The following MCC variants were observed in gnomAD, a reference collection of about 807,000 sequenced individuals.
The protein encoded by MCC is colorectal mutant cancer protein.
Under a neutral mutation model 116.2 loss-of-function variants are expected in MCC, and 90 were observed. The observed-to-expected ratio is 0.77, with a 90% CI of 0.65 to 0.92. The LOEUF is 0.92. Ranked by LOEUF, MCC falls within the 40% of genes least tolerant of loss-of-function variation. The probability of loss-of-function intolerance (pLI) is 0.00; values close to 1 mark genes in which losing one functional copy is unlikely to be tolerated. For synonymous variants in MCC, 578 were observed against 510.5 expected, an observed-to-expected ratio of 1.13 and a Z score of -1.78; for missense variants, 1,516 against 1,312.2, an observed-to-expected ratio of 1.16 and a Z score of -2.40.
intron 2 of MCC, among the ~76,000 whole-genome samples, chr5:113,355,802 TCCAAATG>T (rs1046976245): frequency 2.0e-5 from 3 of 151,980 alleles, no homozygotes; most frequent in Non-Finnish European, 4.4e-5. Context: ...AGGCCCCATC[TCCAAATG>T]CCATCACACT....
At chr5:113,226,105 G>A (rs1003932481) in intron 3 of MCC, among the ~76,000 whole-genome samples, 2 of 152,276 alleles carry the variant, frequency 1.3e-5, no homozygotes, top group Non-Finnish European at 2.9e-5. Flanking sequence ...GAACCCGCAA[G>A]GCGAAGGTTG....
intron 5 of MCC, among the ~76,000 whole-genome samples, 166 bp downstream of exon 5, chr5:113,143,052 T>C (rs577371479): frequency 3.3e-5 from 5 of 152,218 alleles, no homozygotes; most frequent in Non-Finnish European, 7.4e-5. Flanking sequence ...CAAAGAGAAA[T>C]ATACACTTCA....
At chr5:113,075,900 C>A (rs1342550841) in intron 11 of MCC, among the ~76,000 whole-genome samples, 1 of 152,278 alleles carries the variant, frequency 6.6e-6, no homozygotes, top group East Asian at 1.9e-4. Flanking sequence ...TCCACGATAC[C>A]ACCAGAAGGA....
At position 113,132,358 on chromosome 5, in the gene MCC, ATGTG is replaced by A. The variant is rs1187010570; in HGVS notation, c.885-9536_885-9533del. ...AATAAGAGGAAAAAGAAAAGTGCAT[ATGTG>A]TGTGTGTGTGTATATATATACATAC... On this transcript the variant is annotated intron_variant, in intron 5 of 18. Coordinates refer to ENST00000408903, the MANE Select transcript of MCC (RefSeq NM_001085377.2). 8.4e-4 allele frequency among the ~76,000 whole-genome samples: 115 copies of A among 136,710 alleles called. 3 individuals carry two copies. Among genetic ancestry groups the A allele is most frequent in the Admixed American group, 6.8e-3 (93 of 13,638 alleles). 89.7% of individuals were successfully genotyped at this position (136,710 alleles called of 152,430 possible).
intron 2 of MCC, among the ~76,000 whole-genome samples, chr5:113,367,387 C>T (rs887739026): frequency 7.0e-6 from 1 of 143,444 alleles, no homozygotes; most frequent in Non-Finnish European, 1.5e-5. Flanking sequence ...TTAAGATGTA[C>T]ATATATTCCA....
rs141715089 is a variant in MCC, at chr5:113,112,985, A to G, written c.1028-8630T>C. On this transcript the variant is annotated intron_variant, in intron 6 of 18. Coordinates refer to ENST00000408903, the MANE Select transcript of MCC (RefSeq NM_001085377.2). The stretch of plus-strand genomic sequence containing the variant: ...AAGCTGTCAGTGAAGTTAGAGACAT[A>G]AGTCACAGAGAATTTTAGCCAGGCT... Among the ~76,000 whole-genome samples the G allele has an allele frequency of 2.2e-3, 334 of 152,342 alleles. 1 individual carries two copies. The highest frequency in any genetic ancestry group is 7.7e-3 in the African/African-American group (320 of 41,566).
intron 14 of MCC, among the ~76,000 whole-genome samples, chr5:113,057,514 G>C (rs916735524): frequency 1.3e-5 from 2 of 151,844 alleles, no homozygotes; most frequent in African/African-American, 4.8e-5. Flanking sequence ...AAATGAGAGG[G>C]GAGAAGCAGC....
intron 3 of MCC, among the ~76,000 whole-genome samples, chr5:113,296,078 C>T (rs773380848): frequency 6.6e-6 from 1 of 152,182 alleles, no homozygotes; most frequent in East Asian, 1.9e-4. Context: ...GATGGAGGTG[C>T]TGCTGGGATT....
chr5:113,028,619 A>T (rs539439465), intron 18 of MCC, among the ~76,000 whole-genome samples: 1 of 152,212 alleles, frequency 6.6e-6, no homozygotes, highest in Non-Finnish European at 1.5e-5. Context: ...ATACTGGCTT[A>T]AACAGATTTT....
intron 7 of MCC, among the ~76,000 whole-genome samples, chr5:113,102,382 A>C (rs1399968480): frequency 6.6e-6 from 1 of 152,214 alleles, no homozygotes; most frequent in Non-Finnish European, 1.5e-5. Flanking sequence ...AGTTTCCTAA[A>C]TTATAGGCCT....
chr5:113,130,999 A>G (rs888300427), intron 5 of MCC, among the ~76,000 whole-genome samples: 2 of 152,224 alleles, frequency 1.3e-5, no homozygotes, highest in African/African-American at 4.8e-5. Flanking sequence ...AATAGGGGCT[A>G]GGGCTTCAAT....
chr5:113,222,462 T>A (rs1763587895), intron 3 of MCC, among the ~76,000 whole-genome samples: 1 of 152,202 alleles, frequency 6.6e-6, no homozygotes. Flanking sequence ...TACTTCAATT[T>A]TTTTGGAAAG....
chr5:113,225,132 A>G (rs953927120), intron 3 of MCC, among the ~76,000 whole-genome samples: 1 of 152,242 alleles, frequency 6.6e-6, no homozygotes, highest in African/African-American at 2.4e-5. Context: ...ACAACCTCTG[A>G]GCTGAGCACT....
intron 18 of MCC, among the ~76,000 whole-genome samples, chr5:113,028,217 A>G (rs1396670132): frequency 6.6e-6 from 1 of 152,248 alleles, no homozygotes; most frequent in Non-Finnish European, 1.5e-5. Flanking sequence ...GAGCTGGATG[A>G]TGCCAGGTGT....
chr5:113,245,193 G>A (rs978503868), intron 3 of MCC, among the ~76,000 whole-genome samples: 1 of 151,522 alleles, frequency 6.6e-6, no homozygotes, highest in African/African-American at 2.4e-5. Context: ...CCAGGAGGCC[G>A]AGGCAGGAGA....
At chr5:113,205,977 A>G (rs992259619) in intron 3 of MCC, among the ~76,000 whole-genome samples, 7 of 152,178 alleles carry the variant, frequency 4.6e-5, no homozygotes, top group African/African-American at 1.7e-4. Context: ...CCCCTTTGTG[A>G]GCATGGTGAG....
intron 3 of MCC, among the ~76,000 whole-genome samples, chr5:113,245,285 C>A (rs1445500073): frequency 7.4e-6 from 1 of 135,094 alleles, no homozygotes; most frequent in Admixed American, 8.2e-5. Context: ...AGAGAAACTC[C>A]ATCTCAAAAA....
At chr5:113,044,482 A>C in intron 16 of MCC, 1 of 984,176 alleles carries the variant, frequency 1.0e-6, no homozygotes, top group Non-Finnish European at 1.2e-6. Context: ...CATTCATCGG[A>C]TGATCTCTCA....
chr5:113,056,123 T>C (rs144127858), intron 14 of MCC, among the ~76,000 whole-genome samples: 91 of 152,336 alleles, frequency 6.0e-4, no homozygotes, highest in African/African-American at 2.1e-3. Context: ...CCACCTCCTA[T>C]TGGTTCTGAT....
Sources: allele counts gnomAD v4.1 joint callset (sites outside exome capture counted in the v4.1 genomes callset), GRCh38; gene constraint gnomAD v4.1.1; transcripts MANE v1.5; gene names NCBI Gene and HGNC (gene_info 2026-07-23, HGNC 2026-07-21).